The following CHD6 variants were observed in gnomAD, a reference collection of about 807,000 sequenced individuals.
CHD6 encodes chromodomain helicase DNA binding protein 6.
Under a neutral mutation model 276.9 loss-of-function variants are expected in CHD6, and 50 were observed. The observed-to-expected ratio is 0.18, with a 90% confidence interval of 0.14 to 0.23. CHD6 has a LOEUF of 0.23. Ranked by LOEUF, CHD6 falls within the 10% of genes least tolerant of loss-of-function variation. The pLI is 1.00. For synonymous variants in CHD6, 1,173 were observed against 1,229.3 expected, an observed-to-expected ratio of 0.95 and a Z score of 0.96; for missense variants, 2,564 against 3,365.8, an observed-to-expected ratio of 0.76 and a Z score of 5.89.
chr20:41,437,225 C>G, intron 27 of CHD6, 49 bp downstream of exon 27: 1 of 1,404,570 alleles, frequency 7.1e-7, no homozygotes, highest in Non-Finnish European at 1.0e-6. Context: ...GGATTTCTTT[C>G]TTAATATGAA....
intron 3 of CHD6, among the ~76,000 whole-genome samples, chr20:41,520,851 A>G (rs1362538914): frequency 6.6e-6 from 1 of 152,180 alleles, no homozygotes. Context: ...ACAAACTGAT[A>G]GGCAATGATT....
Position 41,403,827 on chromosome 20 carries a change from C to T in CHD6, c.*766G>A, listed in dbSNP as rs1470698918. 9.5e-7 allele frequency: 1 copy of T among 1,057,094 alleles called. No homozygotes were observed. The highest frequency in any genetic ancestry group is 1.1e-6 in the Non-Finnish European group (1 of 874,214). The allele number at this position is 1,057,094 out of a possible 1,614,324, so 65.5% of individuals were successfully genotyped here. A position where few individuals can be genotyped will look rare whatever the true frequency, so the allele number is the denominator to read the frequency against. ...CGTGTAGCTCTACGGAGCGCGGGTCCTTGCCCCACCCCCGTCGACAGCAAT... is the reference window on the plus strand; with the variant it reads ...CGTGTAGCTCTACGGAGCGCGGGTCTTTGCCCCACCCCCGTCGACAGCAAT... On this transcript the variant is annotated 3_prime_UTR_variant, in exon 37 of 37. Coordinates refer to ENST00000373233, the MANE Select transcript of CHD6 (RefSeq NM_032221.5).
chr20:41,605,344 T>C (rs2045817068), intron 1 of CHD6, among the ~76,000 whole-genome samples: 1 of 152,166 alleles, frequency 6.6e-6, no homozygotes, highest in African/African-American at 2.4e-5. Context: ...CCAACTCCCT[T>C]CCATTAGAAT....
chr20:41,606,347 T>C (rs2045828168), intron 1 of CHD6, among the ~76,000 whole-genome samples: 1 of 152,110 alleles, frequency 6.6e-6, no homozygotes, highest in South Asian at 2.1e-4. Flanking sequence ...CCGTCTCTAC[T>C]AAAAAACAAA....
intron 1 of CHD6, among the ~76,000 whole-genome samples, chr20:41,615,632 T>C (rs1036229083): frequency 2.6e-5 from 4 of 152,384 alleles, no homozygotes; most frequent in Admixed American, 1.3e-4. Context: ...TCAGTTGATA[T>C]GTATATACTG....
chr20:41,587,263 A>C (rs931680094), intron 1 of CHD6, among the ~76,000 whole-genome samples: 2 of 152,264 alleles, frequency 1.3e-5, no homozygotes, highest in Admixed American at 1.3e-4. Context: ...ACTCTAATTA[A>C]GCATAGCCTT....
At chr20:41,525,300 A>G (rs981300601) in intron 3 of CHD6, among the ~76,000 whole-genome samples, 2 of 152,184 alleles carry the variant, frequency 1.3e-5, no homozygotes, top group Non-Finnish European at 2.9e-5. Flanking sequence ...CAATATCCTT[A>G]GAGTAATTGC....
chr20:41,609,787 C>T (rs566457637), intron 1 of CHD6, among the ~76,000 whole-genome samples: 60 of 151,792 alleles, frequency 4.0e-4, no homozygotes, highest in African/African-American at 1.4e-3. Context: ...CACTTTGTTA[C>T]GACTGGACAG....
intron 19 of CHD6, 103 bp downstream of exon 19, chr20:41,455,697 G>C: frequency 1.3e-6 from 1 of 745,846 alleles, no homozygotes; most frequent in Non-Finnish European, 2.1e-6. Context: ...CCAATTTCTA[G>C]GATTTGCATT....
chr20:41,566,653 C>A (rs769041579), intron 1 of CHD6, among the ~76,000 whole-genome samples: 1 of 152,164 alleles, frequency 6.6e-6, no homozygotes, highest in Non-Finnish European at 1.5e-5. Context: ...TCACATCCTC[C>A]CATGGGAACC....
chr20:41,429,614 G>A (rs1443366396), intron 27 of CHD6, among the ~76,000 whole-genome samples: 2 of 152,148 alleles, frequency 1.3e-5, no homozygotes, highest in African/African-American at 4.8e-5. Context: ...AGAAATTAAG[G>A]TCATGAGCTG....
At chr20:41,455,757 TTTC>T in intron 19 of CHD6, 40 bp downstream of exon 19, 1 of 1,321,160 alleles carries the variant, frequency 7.6e-7, no homozygotes, top group South Asian at 1.9e-5. Flanking sequence ...AACATTTTTT[TTTC>T]TCTCCCACCC....
chr20:41,473,736 A>C lies in CHD6; in HGVS notation c.2469-219T>G, dbSNP rs1376786978. 6.6e-6 allele frequency among the ~76,000 whole-genome samples: 1 copy of C among 151,952 alleles called. No individual in the cohort carries two copies. The highest frequency in any genetic ancestry group is 1.5e-5 in the Non-Finnish European group (1 of 67,980). Reference sequence around the variant, plus strand: ...ATGCCCCCCTCTCAAAACAGAACAAAACAAAAAAACAAAACAAAGCAAAAA... The same window carrying C: ...ATGCCCCCCTCTCAAAACAGAACAACACAAAAAAACAAAACAAAGCAAAAA... On this transcript the variant is annotated intron_variant, in intron 16 of 36. Coordinates refer to ENST00000373233, the MANE Select transcript of CHD6 (RefSeq NM_032221.5). This position sits in a 1 kb window ranked among gnomAD's most constrained non-coding sequence, Gnocchi z 4.1.
Position 41,544,853 on chromosome 20 carries a change from G to T in CHD6, c.33+6452C>A, listed in dbSNP as rs983305005. On this transcript the variant is annotated intron_variant, in intron 2 of 36. Coordinates refer to ENST00000373233, the MANE Select transcript of CHD6 (RefSeq NM_032221.5). ...ACTATGTAATATTTTAGTTAAAATT[G>T]TGTCAACTTACATACAATTTACTTT... is the stretch of plus-strand genomic sequence containing the variant. Among the ~76,000 whole-genome samples the T allele has an allele frequency of 3.5e-4, 53 of 151,684 alleles. 1 individual carries two copies. The highest frequency in any genetic ancestry group is 1.2e-3 in the African/African-American group (49 of 41,374).
At chr20:41,445,847 G>A in intron 24 of CHD6, 79 bp from the exon 25 acceptor site, 10 of 819,802 alleles carry the variant, frequency 1.2e-5, no homozygotes, top group Non-Finnish European at 2.1e-5. Flanking sequence ...AGTCCTACTG[G>A]CATGCTGAGA....
Position 41,425,388 on chromosome 20 carries a change from T to C in CHD6, c.4136A>G (p.Asp1379Gly), listed in dbSNP as rs762047389. The C allele has an allele frequency of 1.9e-6, 3 of 1,613,552 alleles. No individual in the cohort carries two copies. The South Asian group carries it at 3.3e-5, about 18-fold the overall frequency. The change falls in exon 29 of 37, where the codon GAT becomes GGT. Residue 1379 changes from aspartate (D) to glycine (G), a missense_variant. By Grantham distance (94) the Asp-to-Gly change is moderately conservative. This residue lies in a region of CHD6 where 515 missense variants were observed against 739.5 expected (regional missense o/e 0.70). Transcript: ENST00000373233. ...EKKDDSRAAQ[D>G]GSDPDKSPWP... is the part of the protein sequence containing the mutation. ...GGGCGATTTGTCTGGGTCGGAGCCA[T>C]CCTGGGCTTCAAACATCAGTGAGGA...
At chr20:41,447,068 A>C (rs1201755797) in intron 24 of CHD6, among the ~76,000 whole-genome samples, 2 of 152,220 alleles carry the variant, frequency 1.3e-5, no homozygotes, top group East Asian at 3.8e-4. Flanking sequence ...GAAAGTGGTA[A>C]CAGTTGCTGA....
chr20:41,493,447 C>G, intron 10 of CHD6, 91 bp downstream of exon 10: 1 of 1,319,172 alleles, frequency 7.6e-7, no homozygotes, highest in Non-Finnish European at 1.1e-6. Context: ...ACAGAAACCA[C>G]CTAGGAACAA....
At chr20:41,555,373 A>C (rs1371833776) in intron 1 of CHD6, among the ~76,000 whole-genome samples, 6 of 109,374 alleles carry the variant, frequency 5.5e-5, no homozygotes, top group African/African-American at 7.0e-5. Flanking sequence ...CGACCCCCCC[A>C]CCTCCCTCCC....
Sources: allele counts gnomAD v4.1 joint callset (sites outside exome capture counted in the v4.1 genomes callset), GRCh38; gene constraint gnomAD v4.1.1; regional missense constraint gnomAD v4.1.1; non-coding constraint Gnocchi (gnomAD v3.1); transcripts MANE v1.5; gene names NCBI Gene and HGNC (gene_info 2026-07-23, HGNC 2026-07-21).